Variants in COMMD1 observed in about 807,000 individuals in gnomAD.
COMMD1 encodes COMM domain-containing protein 1.
In COMMD1, 10 loss-of-function variants were observed where a neutral mutation model predicts 17.2. The ratio of observed to expected loss-of-function variants is 0.58; its 90% CI spans 0.36 to 0.99. The LOEUF (loss-of-function observed/expected upper bound fraction) is 0.99. Ranked by LOEUF, COMMD1 falls within the 50% of genes least tolerant of loss-of-function variation. The pLI, the probability that COMMD1 is intolerant of heterozygous loss-of-function variation, is 0.01. For missense variants in COMMD1, 270 were observed against 231.8 expected, an observed-to-expected ratio of 1.17 and a Z score of -1.07; for synonymous variants, 97 against 91.6, an observed-to-expected ratio of 1.06 and a Z score of -0.34.
At chr2:62,040,872 G>A (rs1159404972) in intron 2 of COMMD1, among the ~76,000 whole-genome samples, 1 of 152,152 alleles carries the variant, frequency 6.6e-6, no homozygotes, top group African/African-American at 2.4e-5. Context: ...CACCACACCT[G>A]GCTAGTTTTT....
chr2:62,108,249 G>A (rs894312968), intron 2 of COMMD1, among the ~76,000 whole-genome samples: 1 of 152,120 alleles, frequency 6.6e-6, no homozygotes, highest in Non-Finnish European at 1.5e-5. Flanking sequence ...AGAGAATTCT[G>A]CACTATGTTT....
intron 1 of COMMD1, among the ~76,000 whole-genome samples, chr2:61,978,960 A>G (rs1396935028): frequency 6.6e-6 from 1 of 152,218 alleles, no homozygotes; most frequent in African/African-American, 2.4e-5. Context: ...TTTGTGTTAG[A>G]AACAATCAAT....
At chr2:61,976,008 A>G (rs1041078382) in intron 1 of COMMD1, among the ~76,000 whole-genome samples, 2 of 152,180 alleles carry the variant, frequency 1.3e-5, no homozygotes, top group Non-Finnish European at 2.9e-5. Flanking sequence ...TGTTCATTTC[A>G]GCTGTGTTCT....
At chr2:62,013,172 G>A (rs1669335346) in intron 2 of COMMD1, among the ~76,000 whole-genome samples, 1 of 151,926 alleles carries the variant, frequency 6.6e-6, no homozygotes, top group South Asian at 2.1e-4. Flanking sequence ...TATCACTAAG[G>A]TTGGAATTGC....
intron 2 of COMMD1, among the ~76,000 whole-genome samples, chr2:62,089,503 CGAACTTCT>C (rs1356988491): frequency 2.0e-5 from 3 of 151,956 alleles, no homozygotes; most frequent in Non-Finnish European, 4.4e-5. Flanking sequence ...AGGCTGGTCT[CGAACTTCT>C]GACCTTAAGT....
intron 1 of COMMD1, among the ~76,000 whole-genome samples, chr2:61,919,570 G>T (rs1572961835): frequency 7.0e-6 from 1 of 142,116 alleles, no homozygotes; most frequent in Non-Finnish European, 1.5e-5. Context: ...ATTGAGTAGA[G>T]AACCAGTTTT....
At chr2:61,896,437 T>C (rs1669550405) in intron 1 of COMMD1, among the ~76,000 whole-genome samples, 1 of 151,890 alleles carries the variant, frequency 6.6e-6, no homozygotes, top group Admixed American at 6.6e-5. Context: ...AAAAATTAGC[T>C]GGGCACAGTG....
At chr2:61,943,208 C>T (rs1398731276) in intron 1 of COMMD1, among the ~76,000 whole-genome samples, 2 of 152,142 alleles carry the variant, frequency 1.3e-5, no homozygotes, top group Non-Finnish European at 2.9e-5. Context: ...AAAATGTGCG[C>T]AAGAACAGAC....
chr2:62,042,015 T>TA (rs1670225177), intron 2 of COMMD1, among the ~76,000 whole-genome samples: 1 of 152,234 alleles, frequency 6.6e-6, no homozygotes, highest in South Asian at 2.1e-4. Context: ...TTCCCTTATC[T>TA]GGCCCCACCC....
At chr2:61,888,415 G>C (rs902507996), upstream of COMMD1, 17 of 1,613,072 alleles carry the variant, frequency 1.1e-5, no homozygotes, top group African/African-American at 6.7e-5. Context: ...AGCGGATCTG[G>C]GCTGGCTTGT....
At chr2:62,044,360 T>C (rs1252455423) in intron 2 of COMMD1, among the ~76,000 whole-genome samples, 2 of 152,214 alleles carry the variant, frequency 1.3e-5, no homozygotes, top group African/African-American at 4.8e-5. Flanking sequence ...ATCTTTATGT[T>C]ATGTCTGATA....
chr2:61,983,600 C>A (rs1168828928), intron 1 of COMMD1, among the ~76,000 whole-genome samples: 1 of 152,122 alleles, frequency 6.6e-6, no homozygotes, highest in African/African-American at 2.4e-5. Flanking sequence ...GGAATTTATC[C>A]ATTTCTTCTA....
At position 61,966,262 on chromosome 2, in the gene COMMD1, A is replaced by C. The variant is rs536898848; in HGVS notation, c.181-34439A>C. Among the ~76,000 whole-genome samples the C allele has an allele frequency of 2.0e-5, 3 of 152,250 alleles. No individual in the cohort carries two copies. In the South Asian group the frequency reaches 6.2e-4, roughly 32 times the overall value. On this transcript the variant is annotated intron_variant, in intron 1 of 2. Coordinates refer to ENST00000311832, the MANE Select transcript of COMMD1 (RefSeq NM_152516.4). ...CATAGGCCATTACAGCATTCAGTAAACTGGAAATTTCCTTGCATGATGATT... is the reference window on the plus strand; with the variant it reads ...CATAGGCCATTACAGCATTCAGTAACCTGGAAATTTCCTTGCATGATGATT...
chr2:61,920,895 G>A (rs1256495459), intron 1 of COMMD1, among the ~76,000 whole-genome samples: 6 of 149,392 alleles, frequency 4.0e-5, no homozygotes, highest in East Asian at 2.0e-4. Flanking sequence ...ATATATAAAT[G>A]TGTGTGTGTG....
intron 1 of COMMD1, among the ~76,000 whole-genome samples, chr2:61,968,018 G>A (rs1417838879): frequency 6.6e-6 from 1 of 152,028 alleles, no homozygotes; most frequent in Non-Finnish European, 1.5e-5. Context: ...AAAATTAGCC[G>A]GGCGTGGTGG....
intron 2 of COMMD1, among the ~76,000 whole-genome samples, chr2:62,003,181 C>T (rs988913141): frequency 6.6e-6 from 1 of 150,752 alleles, no homozygotes; most frequent in African/African-American, 2.5e-5. Flanking sequence ...TGCTGTCAGC[C>T]GAGATGGTGC....
At chr2:61,972,914 G>T (rs569372663) in intron 1 of COMMD1, among the ~76,000 whole-genome samples, 1 of 151,950 alleles carries the variant, frequency 6.6e-6, no homozygotes, top group Non-Finnish European at 1.5e-5. Context: ...CAAGTGATCC[G>T]CCCGCTTCGG....
At chr2:61,955,675 A>T (rs1449008761) in intron 1 of COMMD1, among the ~76,000 whole-genome samples, 1 of 151,950 alleles carries the variant, frequency 6.6e-6, no homozygotes, top group Non-Finnish European at 1.5e-5. Flanking sequence ...ATGCATTCTC[A>T]ATAGGGACAA....
chr2:62,069,587 T>C (rs1490466962), intron 2 of COMMD1: 1 of 152,156 alleles, frequency 6.6e-6, no homozygotes, highest in Non-Finnish European at 1.5e-5. Flanking sequence ...GGACTTAAAA[T>C]TGACCAAAAA....
Sources: gnomAD v4.1 joint callset for allele counts (sites outside exome capture counted in the v4.1 genomes callset) on GRCh38, gnomAD v4.1.1 for gene constraint, MANE v1.5 for transcripts, NCBI Gene and HGNC (gene_info 2026-07-23, HGNC 2026-07-21) for gene names.